C10orf90: variants seen among roughly 807,000 people sequenced by gnomAD.
C10orf90 encodes chromosome 10 open reading frame 90.
A neutral mutation model predicts 62.5 loss-of-function variants in C10orf90; 56 were observed. The ratio of observed to expected loss-of-function variants is 0.90; its 90% CI spans 0.72 to 1.12. The LOEUF is 1.12. Ranked by LOEUF, C10orf90 falls within the 50% of genes most tolerant of loss-of-function variation. The pLI, the probability that C10orf90 is intolerant of heterozygous loss-of-function variation, is 0.00. For synonymous variants in C10orf90, 386 were observed against 340.4 expected, an observed-to-expected ratio of 1.13 and a Z score of -1.47; for missense variants, 970 against 880.4, an observed-to-expected ratio of 1.10 and a Z score of -1.29.
At chr10:126,517,243 T>C (rs1863482677) in intron 2 of C10orf90, among the ~76,000 whole-genome samples, 3 of 152,110 alleles carry the variant, frequency 2.0e-5, no homozygotes, top group Admixed American at 2.0e-4. Context: ...CAATGCTATG[T>C]TTATCAAAAG....
intron 2 of C10orf90, among the ~76,000 whole-genome samples, chr10:126,618,748 A>G (rs1474580852): frequency 6.6e-6 from 1 of 152,216 alleles, no homozygotes; most frequent in African/African-American, 2.4e-5. Flanking sequence ...TTTAAAAAGT[A>G]TGAGCCTCTC....
At chr10:126,528,430 A>G (rs1864006456) in intron 2 of C10orf90, among the ~76,000 whole-genome samples, 1 of 152,212 alleles carries the variant, frequency 6.6e-6, no homozygotes, top group Non-Finnish European at 1.5e-5. Flanking sequence ...CAGGTCCAAC[A>G]GGGCTGAGTG....
chr10:126,505,184 C>CATAA (rs1213405594), intron 3 of C10orf90, 99 bp from the exon 4 acceptor site: 2 of 1,261,062 alleles, frequency 1.6e-6, no homozygotes, highest in Non-Finnish European at 2.2e-6. Flanking sequence ...GCACTGGGTT[C>CATAA]ATAACACTCA....
intron 3 of C10orf90, among the ~76,000 whole-genome samples, chr10:126,511,020 T>C (rs757687324): frequency 1.3e-4 from 20 of 152,242 alleles, no homozygotes; most frequent in Non-Finnish European, 2.2e-4. Flanking sequence ...CCAACAATTC[T>C]TTGGCTGCAG....
At chr10:126,616,004 G>A (rs1378096327) in intron 2 of C10orf90, among the ~76,000 whole-genome samples, 2 of 152,214 alleles carry the variant, frequency 1.3e-5, no homozygotes, top group Non-Finnish European at 2.9e-5. Context: ...CCATGTGCGT[G>A]TCCCCTGCAA....
At chr10:126,502,757 G>C (rs1862478014) in intron 4 of C10orf90, 1 of 508,292 alleles carries the variant, frequency 2.0e-6, no homozygotes, top group Non-Finnish European at 4.0e-6. Context: ...CTTAGCTTGA[G>C]CAATCTCTTT....
intron 2 of C10orf90, among the ~76,000 whole-genome samples, chr10:126,605,427 T>C (rs1845287726): frequency 6.6e-6 from 1 of 152,162 alleles, no homozygotes; most frequent in South Asian, 2.1e-4. Context: ...CCTCTGGGGC[T>C]TGTTGTGGAG....
At chr10:126,562,344 G>A (rs1213884596) in intron 2 of C10orf90, among the ~76,000 whole-genome samples, 1 of 152,050 alleles carries the variant, frequency 6.6e-6, no homozygotes, top group Non-Finnish European at 1.5e-5. Context: ...CCTCTCCCTA[G>A]AGTGGACATC....
chr10:126,429,670 A>G (rs898139057), intron 8 of C10orf90, 117 bp downstream of exon 8: 14 of 766,490 alleles, frequency 1.8e-5, no homozygotes, highest in Non-Finnish European at 2.6e-5. Flanking sequence ...AGCCAAAAAG[A>G]CCTCAGACCT....
intron 2 of C10orf90, among the ~76,000 whole-genome samples, chr10:126,645,258 T>TAAAAAA (rs1182066967): frequency 4.1e-4 from 27 of 66,298 alleles, no homozygotes; most frequent in African/African-American, 1.2e-3. Flanking sequence ...ACTTAAAGTA[T>TAAAAAA]AAAAAAAAAA....
In C10orf90 at chr10:126,456,036, C is replaced by T. The variant is rs1190841064; in HGVS notation, c.2188+3004G>A. Among the ~76,000 whole-genome samples the T allele has an allele frequency of 6.6e-6, 1 of 152,238 alleles. No homozygotes were observed. Among genetic ancestry groups the T allele is most frequent in the Non-Finnish European group, 1.5e-5 (1 of 68,044 alleles). On this transcript the variant is annotated intron_variant, in intron 7 of 9. Transcript: ENST00000488181. The surrounding 1 kb of genome is among the most constrained non-coding windows in gnomAD (Gnocchi z 4.9). ...GAGGCAGCTACCCCAGCACCAAAAG[C>T]AAATAGGAGTCTTCTTTTTAACAGA...
chr10:126,594,168 A>G (rs1845037844), intron 2 of C10orf90, among the ~76,000 whole-genome samples: 1 of 150,444 alleles, frequency 6.6e-6, no homozygotes, highest in Non-Finnish European at 1.5e-5. Context: ...AAGTGAAGTG[A>G]AAACTTCCCT....
intron 1 of C10orf90, among the ~76,000 whole-genome samples, chr10:126,667,126 T>A (rs1430234234): frequency 1.8e-4 from 28 of 152,004 alleles, no homozygotes; most frequent in Admixed American, 1.8e-3. Context: ...TGGCACAATC[T>A]CGGCTCATTG....
chr10:126,633,533 C>A (rs572248323), intron 2 of C10orf90, among the ~76,000 whole-genome samples: 1 of 152,220 alleles, frequency 6.6e-6, no homozygotes, highest in Non-Finnish European at 1.5e-5. Flanking sequence ...AGTGGCCCCT[C>A]CTGTAGGATG....
Position 126,512,354 on chromosome 10 carries a change from GTGTGTGTGTA to G in C10orf90, c.405+1484_405+1493del, listed in dbSNP as rs749736253. 9.9e-3 allele frequency among the ~76,000 whole-genome samples: 1,408 copies of G among 142,642 alleles called. 16 individuals carry two copies. Among genetic ancestry groups the G allele is most frequent in the South Asian group, 0.048 (203 of 4,196 alleles). The allele number at this position is 142,642 out of a possible 152,430, so 93.6% of individuals were successfully genotyped here. A position where few individuals can be genotyped will look rare whatever the true frequency, so the allele number is the denominator to read the frequency against. On this transcript the variant is annotated intron_variant, in intron 3 of 9. Coordinates refer to ENST00000488181, the MANE Select transcript of C10orf90 (RefSeq NM_001350921.2). ...TGTGTGTGTATGTGTGTGTGTCTGT[GTGTGTGTGTA>G]TGTGTGTCTGTGTGTGTGTGTCTGT...
At chr10:126,615,267 C>A (rs1171160180) in intron 2 of C10orf90, among the ~76,000 whole-genome samples, 1 of 152,170 alleles carries the variant, frequency 6.6e-6, no homozygotes, top group Non-Finnish European at 1.5e-5. Flanking sequence ...GGAGGAACTA[C>A]CCAAGGGTGT....
chr10:126,507,567 T>C (rs141599208), intron 3 of C10orf90, among the ~76,000 whole-genome samples: 47 of 151,980 alleles, frequency 3.1e-4, no homozygotes, highest in Middle Eastern at 6.8e-3. Flanking sequence ...CCCTCTCTTT[T>C]AGCCCAGCGG....
At chr10:126,458,839 A>G (rs1458966017) in intron 7 of C10orf90, among the ~76,000 whole-genome samples, 4 of 152,222 alleles carry the variant, frequency 2.6e-5, no homozygotes, top group African/African-American at 9.6e-5. Flanking sequence ...TGCTGAGCTC[A>G]ATGCCCATAT....
At chr10:126,616,247 A>G (rs141139956) in intron 2 of C10orf90, among the ~76,000 whole-genome samples, 176 of 152,266 alleles carry the variant, frequency 1.2e-3, no homozygotes, top group African/African-American at 3.9e-3. Context: ...GAACATAATA[A>G]TCAAGAGTGT....
Sources: allele counts gnomAD v4.1 joint callset (sites outside exome capture counted in the v4.1 genomes callset), GRCh38; gene constraint gnomAD v4.1.1; non-coding constraint Gnocchi (gnomAD v3.1); transcripts MANE v1.5; gene names NCBI Gene and HGNC (gene_info 2026-07-23, HGNC 2026-07-21).